The following RAB3GAP1 variants were observed in gnomAD, a reference collection of about 807,000 sequenced individuals.
RAB3GAP1 encodes the protein RAB3 GTPase activating protein catalytic subunit 1.
In RAB3GAP1, 86 loss-of-function variants were observed where a neutral mutation model predicts 130.7. The observed-to-expected ratio is 0.66, with a 90% CI of 0.55 to 0.79. The LOEUF (loss-of-function observed/expected upper bound fraction) is 0.79. Among genes scored for constraint, RAB3GAP1 ranks in the 30% least tolerant of loss-of-function variants. RAB3GAP1 has a pLI of 0.00. For missense variants in RAB3GAP1, 1,029 were observed against 1,169.4 expected, an observed-to-expected ratio of 0.88 and a Z score of 1.75; for synonymous variants, 367 against 401.7, an observed-to-expected ratio of 0.91 and a Z score of 1.03.
Position 135,129,178 on chromosome 2 carries a change from C to T in RAB3GAP1, c.974-817C>T, listed in dbSNP as rs144217762. Among the ~76,000 whole-genome samples the T allele has an allele frequency of 1.7e-3, 257 of 148,948 alleles. 1 individual carries two copies. The Middle Eastern group carries it at 0.04, about 23-fold the overall frequency. On this transcript the variant is annotated intron_variant, in intron 11 of 23. Coordinates refer to ENST00000264158, the MANE Select transcript of RAB3GAP1 (RefSeq NM_012233.3). Reference sequence around the variant, plus strand: ...AAAATAATAGTAATAATGGGCCGGGCGCGGTGACTCACACTTGTAATCCCA... The same window carrying T: ...AAAATAATAGTAATAATGGGCCGGGTGCGGTGACTCACACTTGTAATCCCA...
At chr2:135,173,512 G>T (rs1045374246), downstream of RAB3GAP1, among the ~76,000 whole-genome samples, 2 of 152,208 alleles carry the variant, frequency 1.3e-5, no homozygotes, top group African/African-American at 4.8e-5. Context: ...GGCGACTGTT[G>T]TGTCTGTCTA....
At chr2:135,066,066 C>T in intron 3 of RAB3GAP1, among the ~76,000 whole-genome samples, 1 of 152,134 alleles carries the variant, frequency 6.6e-6, no homozygotes, top group African/African-American at 2.4e-5. Flanking sequence ...AGCTACTGCA[C>T]CCCGCCAGTA....
chr2:135,117,975 C>T (rs1249009399), intron 7 of RAB3GAP1, among the ~76,000 whole-genome samples: 1 of 152,026 alleles, frequency 6.6e-6, no homozygotes, highest in African/African-American at 2.4e-5. Context: ...ACCTCGGCCT[C>T]CTGAATATTT....
rs565268767 is a variant in RAB3GAP1, at chr2:135,127,020, C to T, written c.973+364C>T. ...CCTCCCGAGTAGCTGGGACTACAGACGTGTGCCACCATGCCTGGCTAATTT... is the reference window on the plus strand; with the variant it reads ...CCTCCCGAGTAGCTGGGACTACAGATGTGTGCCACCATGCCTGGCTAATTT... On this transcript the variant is annotated intron_variant, in intron 11 of 23. Coordinates refer to ENST00000264158, the MANE Select transcript of RAB3GAP1 (RefSeq NM_012233.3). Among the ~76,000 whole-genome samples, 6 of 151,996 alleles carry T rather than the reference C, an allele frequency of 3.9e-5. No individual in the cohort carries two copies. The East Asian group carries it at 9.8e-4, about 25-fold the overall frequency.
intron 2 of RAB3GAP1, among the ~76,000 whole-genome samples, chr2:135,054,971 TAGA>T (rs951822096): frequency 2.0e-5 from 3 of 152,236 alleles, no homozygotes; most frequent in Non-Finnish European, 4.4e-5. Context: ...GAGAACTGTA[TAGA>T]AGCCCATAAC....
chr2:135,086,475 G>A (rs1306887896), intron 3 of RAB3GAP1, among the ~76,000 whole-genome samples: 1 of 151,970 alleles, frequency 6.6e-6, no homozygotes, highest in Non-Finnish European at 1.5e-5. Context: ...TTGATAGTGA[G>A]TAGTCATCTG....
intron 5 of RAB3GAP1, among the ~76,000 whole-genome samples, chr2:135,106,761 A>AT (rs1476309890): frequency 2.6e-4 from 38 of 143,650 alleles, no homozygotes; most frequent in East Asian, 7.8e-4. Context: ...AATACTAAAA[A>AT]AAAAAATAAA....
chr2:135,168,847 AC>A lies in RAB3GAP1; in HGVS notation c.*68del. On this transcript the variant is annotated 3_prime_UTR_variant, in exon 24 of 24. Transcript: ENST00000264158. ...TGCCTCCTCCTGAGGGAGGGAAGGT[AC>A]CAGGGAGAACCTGGGAGGTCCTGGA... 1.4e-6 allele frequency: 2 copies of A among 1,404,412 alleles called. No individual in the cohort carries two copies. Among genetic ancestry groups the A allele is most frequent in the Non-Finnish European group, 2.0e-6 (2 of 991,498 alleles). 87.0% of individuals were successfully genotyped at this position (1,404,412 alleles called of 1,614,324 possible).
chr2:135,117,453 T>G (rs1051458399), intron 7 of RAB3GAP1, among the ~76,000 whole-genome samples: 9 of 103,882 alleles, frequency 8.7e-5, no homozygotes, highest in East Asian at 7.9e-4. Context: ...TTCTTCTTCT[T>G]CTGCTTCTGC....
intron 19 of RAB3GAP1, among the ~76,000 whole-genome samples, chr2:135,160,597 C>T (rs541605415): frequency 1.0e-4 from 15 of 146,650 alleles, no homozygotes; most frequent in African/African-American, 3.5e-4. Context: ...TCGCTTGAGC[C>T]TGGGAGGCGG....
chr2:135,117,579 T>G (rs796901468), intron 7 of RAB3GAP1, among the ~76,000 whole-genome samples: 4,212 of 138,054 alleles, frequency 0.031, 182 homozygotes, highest in East Asian at 0.17. Flanking sequence ...TGCTTCTTCT[T>G]CTGCTTCTTC....
Position 135,169,060 on chromosome 2 carries a change from A to T in RAB3GAP1, c.*279A>T, listed in dbSNP as rs1264548521. 1.0e-5 allele frequency: 5 copies of T among 495,866 alleles called. No homozygotes were observed. Among genetic ancestry groups the T allele is most frequent in the Non-Finnish European group, 1.1e-5 (3 of 270,816 alleles). The allele number at this position is 495,866 out of a possible 1,614,324, so 30.7% of individuals were successfully genotyped here. Reference sequence around the variant, plus strand: ...GTGGGGGGACACAAACACATCAGACACTCCGTCCTCACACTGGCAGGACGG... The same window carrying T: ...GTGGGGGGACACAAACACATCAGACTCTCCGTCCTCACACTGGCAGGACGG... On this transcript the variant is annotated 3_prime_UTR_variant, in exon 24 of 24. Transcript: ENST00000264158.
rs368596935 is a variant in RAB3GAP1, at chr2:135,139,398, G to A, written c.1923+3466G>A. On this transcript the variant is annotated intron_variant, in intron 17 of 23. Coordinates refer to ENST00000264158, the MANE Select transcript of RAB3GAP1 (RefSeq NM_012233.3). ...TCTACAAAAAATACAGAAATTAGCC[G>A]AGCGTGGTGGTGTATGGCTGTAGAC... Among the ~76,000 whole-genome samples the A allele has an allele frequency of 1.1e-4, 16 of 151,790 alleles. No homozygotes were observed. The East Asian group carries it at 2.1e-3, about 20-fold the overall frequency.
intron 3 of RAB3GAP1, among the ~76,000 whole-genome samples, chr2:135,082,903 T>A (rs1471013141): frequency 2.0e-5 from 3 of 152,182 alleles, no homozygotes; most frequent in Admixed American, 6.5e-5. Flanking sequence ...AATTCCTGGA[T>A]GCTCAAGTCC....
intron 3 of RAB3GAP1, among the ~76,000 whole-genome samples, chr2:135,079,823 C>T (rs964786376): frequency 6.6e-6 from 1 of 152,170 alleles, no homozygotes; most frequent in African/African-American, 2.4e-5. Flanking sequence ...AGTCTCTTAA[C>T]TTTTCTCATC....
rs1691348952 is a variant in RAB3GAP1, at chr2:135,126,394, T to C, written c.899+145T>C. 4 of 879,328 alleles carry C rather than the reference T, an allele frequency of 4.5e-6. No individual in the cohort carries two copies. In the South Asian group the frequency reaches 6.6e-5, roughly 15 times the overall value. 54.5% of individuals were successfully genotyped at this position (879,328 alleles called of 1,614,324 possible). On this transcript the variant is annotated intron_variant, in intron 10 of 23. Transcript: ENST00000264158. ...TTTGTGTTTTATTGTCTAAGGACTT[T>C]GATTTCTTATGATGTTATTTTTTAA...
chr2:135,058,441 G>A (rs1689082838), intron 3 of RAB3GAP1: 1 of 175,584 alleles, frequency 5.7e-6, no homozygotes, highest in African/African-American at 2.4e-5. Flanking sequence ...GAGAAACATT[G>A]CAGTGACCAT....
intron 9 of RAB3GAP1, among the ~76,000 whole-genome samples, chr2:135,125,003 C>T (rs1691311843): frequency 6.6e-6 from 1 of 152,110 alleles, no homozygotes; most frequent in Non-Finnish European, 1.5e-5. Flanking sequence ...TAAAAGTGTA[C>T]AATTCAATGG....
At chr2:135,127,526 T>C (rs576575405) in intron 11 of RAB3GAP1, among the ~76,000 whole-genome samples, 240 of 151,862 alleles carry the variant, frequency 1.6e-3, no homozygotes, top group Middle Eastern at 6.8e-3. Context: ...GTGTTTTTAG[T>C]AGAGACGGGG....
Sources: allele counts gnomAD v4.1 joint callset (sites outside exome capture counted in the v4.1 genomes callset), GRCh38; gene constraint gnomAD v4.1.1; transcripts MANE v1.5; gene names NCBI Gene and HGNC (gene_info 2026-07-23, HGNC 2026-07-21).